QTMAN: variants seen among roughly 807,000 people sequenced by gnomAD.
QTMAN encodes the protein queuosine-tRNA mannosyltransferase, also known as tRNA-queuosine alpha-mannosyltransferase.
At chr2:144,144,696 A>G in the QTMAN span, among the ~76,000 whole-genome samples, 3 of 151,958 alleles carry the variant, frequency 2.0e-5, no homozygotes, top group African/African-American at 7.2e-5. Flanking sequence ...GAAAACATTC[A>G]CAAAATGCAC....
the QTMAN span, chr2:143,940,032 A>C: frequency 1.3e-5 from 2 of 151,922 alleles, no homozygotes; most frequent in Non-Finnish European, 1.5e-5. Context: ...TCCCCATTCC[A>C]CTATTAACGT....
At chr2:144,233,235 A>C in the QTMAN span, among the ~76,000 whole-genome samples, 1 of 152,170 alleles carries the variant, frequency 6.6e-6, no homozygotes, top group Non-Finnish European at 1.5e-5. Flanking sequence ...CCAACCAATA[A>C]AAAATACTGT....
At chr2:144,284,638 A>T in the QTMAN span, among the ~76,000 whole-genome samples, 289 of 152,302 alleles carry the variant, frequency 1.9e-3, 1 homozygote, top group African/African-American at 6.5e-3. Flanking sequence ...ATTTTCCACT[A>T]AATATAAAAC....
chr2:144,299,347 T>C, the QTMAN span, among the ~76,000 whole-genome samples: 17 of 152,128 alleles, frequency 1.1e-4, no homozygotes, highest in Non-Finnish European at 1.8e-4. Flanking sequence ...CAAAACCAGC[T>C]TTCTATAATT....
chr2:143,997,709 A>G, the QTMAN span, among the ~76,000 whole-genome samples: 1 of 151,956 alleles, frequency 6.6e-6, no homozygotes, highest in Non-Finnish European at 1.5e-5. Context: ...CAGAGAGTAA[A>G]GTAAACTAGC....
chr2:143,993,475 A>G, the QTMAN span, among the ~76,000 whole-genome samples: 1 of 151,998 alleles, frequency 6.6e-6, no homozygotes, highest in African/African-American at 2.4e-5. Flanking sequence ...ATCTTCGAAC[A>G]TCTGGGTGGG....
the QTMAN span, among the ~76,000 whole-genome samples, chr2:144,210,078 A>G: frequency 2.0e-5 from 3 of 149,364 alleles, no homozygotes; most frequent in Non-Finnish European, 3.0e-5. Flanking sequence ...GCTGTGGGGG[A>G]CTGTGTGTGT....
chr2:144,132,912 G>T, the QTMAN span, among the ~76,000 whole-genome samples: 1 of 149,748 alleles, frequency 6.7e-6, no homozygotes, highest in Non-Finnish European at 1.5e-5. Flanking sequence ...CTAAGGTGGG[G>T]GGCTGCTATT....
At chr2:143,983,675 G>A in the QTMAN span, among the ~76,000 whole-genome samples, 4 of 151,872 alleles carry the variant, frequency 2.6e-5, no homozygotes, top group Admixed American at 6.6e-5. Flanking sequence ...GGGTTTCACC[G>A]TGTTAGCCAT....
chr2:143,990,332 T>A, the QTMAN span, among the ~76,000 whole-genome samples: 1 of 152,078 alleles, frequency 6.6e-6, no homozygotes, highest in African/African-American at 2.4e-5. Flanking sequence ...TTGAGACCAC[T>A]GATAAAGAGA....
chr2:144,239,226 C>T, the QTMAN span, among the ~76,000 whole-genome samples: 2 of 148,848 alleles, frequency 1.3e-5, no homozygotes, highest in African/African-American at 2.5e-5. Context: ...AATATAGAAA[C>T]GTATTTCATT....
the QTMAN span, among the ~76,000 whole-genome samples, chr2:143,972,924 T>A: frequency 6.6e-6 from 1 of 151,946 alleles, no homozygotes; most frequent in African/African-American, 2.4e-5. Flanking sequence ...CTGATGAGAG[T>A]TTTGGATGGT....
At chr2:144,078,564 C>T in the QTMAN span, among the ~76,000 whole-genome samples, 2 of 152,158 alleles carry the variant, frequency 1.3e-5, no homozygotes, top group African/African-American at 4.8e-5. Context: ...CCCAAAAAGA[C>T]ATTATGATTT....
At chr2:144,014,058 C>T in the QTMAN span, among the ~76,000 whole-genome samples, 1 of 152,134 alleles carries the variant, frequency 6.6e-6, no homozygotes, top group African/African-American at 2.4e-5. Context: ...GCAAGGAAAC[C>T]CATCCCAATT....
At chr2:144,310,725 T>G in the QTMAN span, among the ~76,000 whole-genome samples, 1 of 152,190 alleles carries the variant, frequency 6.6e-6, no homozygotes, top group African/African-American at 2.4e-5. Flanking sequence ...CAGGGATGAC[T>G]CCAACGTTTT....
the QTMAN span, among the ~76,000 whole-genome samples, chr2:144,013,078 C>T: frequency 6.6e-6 from 1 of 151,910 alleles, no homozygotes; most frequent in Non-Finnish European, 1.5e-5. Flanking sequence ...AGATGTTGCA[C>T]CAGAGATGGT....
At chr2:144,189,250 T>C in the QTMAN span, among the ~76,000 whole-genome samples, 771 of 152,306 alleles carry the variant, frequency 5.1e-3, 3 homozygotes, top group Non-Finnish European at 8.9e-3. Context: ...GCCTCCCAAG[T>C]AACTGGGATT....
the QTMAN span, among the ~76,000 whole-genome samples, chr2:144,182,888 ATATATATATATATTATATATATATAT>A: frequency 1.6e-4 from 14 of 84,960 alleles, no homozygotes; most frequent in African/African-American, 6.8e-4. Context: ...TATATATTTT[ATATATATATATATTATATATATATAT>A]AAAATATGAG....
At chr2:144,308,987 A>T in the QTMAN span, among the ~76,000 whole-genome samples, 1 of 152,214 alleles carries the variant, frequency 6.6e-6, no homozygotes. Flanking sequence ...TCACAAAAGA[A>T]GTTATATAAA....
Sources: gnomAD v4.1 joint callset for allele counts (sites outside exome capture counted in the v4.1 genomes callset) on GRCh38, gnomAD v4.1.1 for gene constraint, MANE v1.5 for transcripts, NCBI Gene and HGNC (gene_info 2026-07-23, HGNC 2026-07-21) for gene names.